PLCB4: variants seen among roughly 807,000 people sequenced by gnomAD.
PLCB4 encodes the protein 1-phosphatidylinositol 4,5-bisphosphate phosphodiesterase beta-4.
PLCB4 carries 77 observed loss-of-function variants against 178.8 expected under a neutral mutation model. The observed-to-expected ratio is 0.43, with a 90% confidence interval of 0.36 to 0.52. The LOEUF (loss-of-function observed/expected upper bound fraction) is 0.52. Among genes scored for constraint, PLCB4 ranks in the 20% least tolerant of loss-of-function variants. The pLI is 0.00. For synonymous variants in PLCB4, 496 were observed against 490.8 expected (o/e 1.01, Z -0.14); for missense variants, 1,024 against 1,453.4 (o/e 0.70, Z 4.80).
intron 7 of PLCB4, among the ~76,000 whole-genome samples, chr20:9,348,754 C>T (rs180897964): frequency 1.3e-5 from 2 of 152,292 alleles, no homozygotes; most frequent in Non-Finnish European, 2.9e-5. Flanking sequence ...CAAAATGATT[C>T]TTCAGGAACA....
chr20:9,418,777 A>G (rs1364375586), intron 25 of PLCB4, among the ~76,000 whole-genome samples: 1 of 152,186 alleles, frequency 6.6e-6, no homozygotes, highest in Non-Finnish European at 1.5e-5. Flanking sequence ...CAGCTTAACA[A>G]TATGGTCTTC....
chr20:9,185,663 A>G (rs1018328770), intron 2 of PLCB4, among the ~76,000 whole-genome samples: 6 of 152,248 alleles, frequency 3.9e-5, no homozygotes, highest in African/African-American at 1.4e-4. Flanking sequence ...GACTCCGAGT[A>G]AAAGCCAGAG....
chr20:9,452,560 T>G (rs1456727898), intron 32 of PLCB4, among the ~76,000 whole-genome samples: 1 of 152,214 alleles, frequency 6.6e-6, no homozygotes, highest in East Asian at 1.9e-4. Context: ...TAAAGAAATC[T>G]GATTTCATAT....
At chr20:9,323,139 T>C (rs1452610622) in intron 4 of PLCB4, among the ~76,000 whole-genome samples, 1 of 152,168 alleles carries the variant, frequency 6.6e-6, no homozygotes, top group African/African-American at 2.4e-5. Flanking sequence ...CGCTGTCCCA[T>C]TGATATTCCC....
At chr20:9,436,528 T>C (rs1027348504) in intron 29 of PLCB4, among the ~76,000 whole-genome samples, 1 of 152,162 alleles carries the variant, frequency 6.6e-6, no homozygotes, top group African/African-American at 2.4e-5. Flanking sequence ...ATTTTTTTAC[T>C]TTTTTTGTCA....
intron 3 of PLCB4, among the ~76,000 whole-genome samples, chr20:9,281,338 A>T (rs1385080248): frequency 6.6e-6 from 1 of 152,056 alleles, no homozygotes; most frequent in Non-Finnish European, 1.5e-5. Context: ...ATCACTTTAA[A>T]ATGTTGCTAT....
intron 3 of PLCB4, among the ~76,000 whole-genome samples, chr20:9,282,804 A>G (rs905802476): frequency 6.6e-6 from 1 of 151,966 alleles, no homozygotes; most frequent in African/African-American, 2.4e-5. Flanking sequence ...GGCCTCACTC[A>G]CTTTATTTGG....
intron 1 of PLCB4, among the ~76,000 whole-genome samples, chr20:9,080,738 G>A (rs2090103108): frequency 1.3e-5 from 2 of 152,194 alleles, no homozygotes; most frequent in South Asian, 4.2e-4. Context: ...CCAATTTACT[G>A]AAGACTCCCC....
chr20:9,419,490 T>C (rs952653377), intron 25 of PLCB4, among the ~76,000 whole-genome samples: 4 of 152,224 alleles, frequency 2.6e-5, no homozygotes, highest in Non-Finnish European at 4.4e-5. Flanking sequence ...TAACTATAGC[T>C]AATATAATTG....
intron 2 of PLCB4, among the ~76,000 whole-genome samples, chr20:9,101,550 A>G (rs1218370671): frequency 6.6e-6 from 1 of 152,108 alleles, no homozygotes; most frequent in Non-Finnish European, 1.5e-5. Flanking sequence ...CTCTTTATGT[A>G]TTTTCAGATT....
chr20:9,389,549 A>G, intron 15 of PLCB4, among the ~76,000 whole-genome samples: 1 of 152,226 alleles, frequency 6.6e-6, no homozygotes, highest in South Asian at 2.1e-4. Flanking sequence ...CCTGCTCCTC[A>G]AGAAGAAAGG....
At chr20:9,452,336 T>C (rs2042817524) in intron 32 of PLCB4, among the ~76,000 whole-genome samples, 2 of 152,214 alleles carry the variant, frequency 1.3e-5, no homozygotes, top group Non-Finnish European at 2.9e-5. Context: ...AATTTGCTTT[T>C]AAATTAAGGC....
intron 7 of PLCB4, among the ~76,000 whole-genome samples, chr20:9,341,788 A>G (rs1416519640): frequency 6.6e-6 from 1 of 152,136 alleles, no homozygotes; most frequent in Non-Finnish European, 1.5e-5. Flanking sequence ...GAAGATTTGA[A>G]GGTTTTCTCC....
At chr20:9,443,591 C>T (rs2042234503) in intron 30 of PLCB4, among the ~76,000 whole-genome samples, 1 of 152,168 alleles carries the variant, frequency 6.6e-6, no homozygotes, top group Non-Finnish European at 1.5e-5. Context: ...TGGAATGACT[C>T]TTGGGTGCCA....
At chr20:9,342,723 G>A (rs755289686) in intron 7 of PLCB4, among the ~76,000 whole-genome samples, 2 of 151,296 alleles carry the variant, frequency 1.3e-5, no homozygotes, top group African/African-American at 4.9e-5. Context: ...TTTCTTTAAG[G>A]TGGATCTGAG....
intron 4 of PLCB4, among the ~76,000 whole-genome samples, chr20:9,327,478 A>C (rs1463040906): frequency 6.7e-6 from 1 of 149,550 alleles, no homozygotes; most frequent in Non-Finnish European, 1.5e-5. Flanking sequence ...TCTGTCTCTT[A>C]AAAAAAAATC....
intron 2 of PLCB4, among the ~76,000 whole-genome samples, chr20:9,126,299 C>T (rs751453678): frequency 1.3e-5 from 2 of 152,118 alleles, no homozygotes; most frequent in Non-Finnish European, 2.9e-5. Context: ...CGTGTTTTTA[C>T]ACATCCCTAG....
chr20:9,472,080 C>G (rs2044228936), intron 36 of PLCB4, among the ~76,000 whole-genome samples: 1 of 152,124 alleles, frequency 6.6e-6, no homozygotes, highest in Non-Finnish European at 1.5e-5. Flanking sequence ...GTCCATACAG[C>G]AAATGAAAAT....
At chr20:9,470,913 T>G (rs980579648) in intron 36 of PLCB4, among the ~76,000 whole-genome samples, 3 of 152,214 alleles carry the variant, frequency 2.0e-5, no homozygotes, top group African/African-American at 7.2e-5. Context: ...AAAATAATTT[T>G]TCTATACCAA....
Sources: gnomAD v4.1 joint callset for allele counts (sites outside exome capture counted in the v4.1 genomes callset) on GRCh38, gnomAD v4.1.1 for gene constraint, MANE v1.5 for transcripts, NCBI Gene and HGNC (gene_info 2026-07-23, HGNC 2026-07-21) for gene names.